The following PLPP4 variants were observed in gnomAD, a reference collection of about 807,000 sequenced individuals.
The protein encoded by PLPP4 is phospholipid phosphatase 4.
A neutral mutation model predicts 32.2 loss-of-function variants in PLPP4; 20 were observed. The observed-to-expected ratio is 0.62, with a 90% confidence interval of 0.44 to 0.90. The LOEUF (loss-of-function observed/expected upper bound fraction) is 0.90, where lower values mean the gene tolerates loss of function less well. PLPP4 is among the 40% of genes least tolerant of loss of function. The pLI is 0.00. For missense variants in PLPP4, 257 were observed against 353.1 expected (o/e 0.73, Z 2.18); for synonymous variants, 127 against 133.0 (o/e 0.95, Z 0.31).
At chr10:120,501,798 G>T (rs891114180) in intron 1 of PLPP4, among the ~76,000 whole-genome samples, 1 of 152,202 alleles carries the variant, frequency 6.6e-6, no homozygotes, top group Non-Finnish European at 1.5e-5. Context: ...TGTTCACTTG[G>T]AGTCTTAGGT....
chr10:120,505,095 C>T (rs550491135), intron 2 of PLPP4, among the ~76,000 whole-genome samples: 1 of 152,346 alleles, frequency 6.6e-6, no homozygotes, highest in South Asian at 2.1e-4. Flanking sequence ...AATTTAATTC[C>T]ACCCAGCATC....
At chr10:120,543,465 A>G (rs763665150) in intron 5 of PLPP4, among the ~76,000 whole-genome samples, 1 of 152,120 alleles carries the variant, frequency 6.6e-6, no homozygotes, top group Non-Finnish European at 1.5e-5. Flanking sequence ...AGCCTTTGGC[A>G]TCAAGTCCAG....
chr10:120,583,486 A>G (rs908755631), intron 6 of PLPP4, among the ~76,000 whole-genome samples: 7 of 152,074 alleles, frequency 4.6e-5, no homozygotes, highest in Non-Finnish European at 8.8e-5. Context: ...TCTCCCTTTT[A>G]AAGTACAGAA....
intron 1 of PLPP4, among the ~76,000 whole-genome samples, chr10:120,464,183 C>G (rs1271229502): frequency 6.6e-6 from 1 of 152,168 alleles, no homozygotes; most frequent in Non-Finnish European, 1.5e-5. Flanking sequence ...GTTCCTCCTT[C>G]TGTTCAATGG....
chr10:120,569,558 C>A (rs1282786675), intron 5 of PLPP4, among the ~76,000 whole-genome samples: 1 of 152,178 alleles, frequency 6.6e-6, no homozygotes, highest in Non-Finnish European at 1.5e-5. Context: ...GTTCCTTTTC[C>A]TTTTCCCCAT....
intron 2 of PLPP4, among the ~76,000 whole-genome samples, chr10:120,508,222 G>T (rs1845587121): frequency 6.6e-6 from 1 of 152,192 alleles, no homozygotes; most frequent in South Asian, 2.1e-4. Context: ...GCTGGATCAT[G>T]ATAGACAATT....
chr10:120,494,837 G>A (rs974221324), intron 1 of PLPP4, among the ~76,000 whole-genome samples: 11 of 152,120 alleles, frequency 7.2e-5, no homozygotes, highest in African/African-American at 1.9e-4. Flanking sequence ...ACTTTGCTCT[G>A]CAAAAATCTG....
intron 5 of PLPP4, among the ~76,000 whole-genome samples, chr10:120,557,931 T>G (rs1275820539): frequency 6.6e-6 from 1 of 152,140 alleles, no homozygotes; most frequent in Non-Finnish European, 1.5e-5. Flanking sequence ...ACCACAGTTG[T>G]TTAACAGGGA....
At chr10:120,566,558 TGTCAGACGGAGTCTCACCC>T (rs1848701198) in intron 5 of PLPP4, among the ~76,000 whole-genome samples, 2 of 150,054 alleles carry the variant, frequency 1.3e-5, no homozygotes, top group African/African-American at 4.9e-5. Context: ...TTTTTTTTTT[TGTCAGACGGAGTCTCACCC>T]TGTCACCCAG....
intron 1 of PLPP4, among the ~76,000 whole-genome samples, chr10:120,468,128 G>A (rs1251194918): frequency 1.5e-5 from 1 of 64,770 alleles, no homozygotes; most frequent in African/African-American, 3.3e-5. Flanking sequence ...TTCTTTATCC[G>A]GTCTACCACT....
chr10:120,508,063 A>AT (rs1845578415), intron 2 of PLPP4, among the ~76,000 whole-genome samples: 1 of 152,186 alleles, frequency 6.6e-6, no homozygotes, highest in African/African-American at 2.4e-5. Context: ...TTCGACCGTG[A>AT]TATGTCCAGA....
At chr10:120,580,678 C>CACACAA (rs1554899936) in intron 6 of PLPP4, among the ~76,000 whole-genome samples, 26,855 of 137,790 alleles carry the variant, frequency 0.19, 2,657 homozygotes, top group Middle Eastern at 0.27. Flanking sequence ...CACACACACA[C>CACACAA]ACGGCTGAGG....
intron 6 of PLPP4, among the ~76,000 whole-genome samples, chr10:120,588,340 TC>T (rs1226674285): frequency 6.6e-6 from 1 of 152,220 alleles, no homozygotes; most frequent in Non-Finnish European, 1.5e-5. Flanking sequence ...GGGCTGGTAT[TC>T]CCTGCAGATG....
At chr10:120,518,617 G>A (rs970750207) in intron 3 of PLPP4, among the ~76,000 whole-genome samples, 4 of 152,152 alleles carry the variant, frequency 2.6e-5, no homozygotes, top group African/African-American at 9.7e-5. Context: ...TGTCACAGGG[G>A]CCTAGAATTT....
In PLPP4 at chr10:120,463,114, G is replaced by A. The variant is rs373516124; in HGVS notation, c.56+5753G>A. On this transcript the variant is annotated intron_variant, in intron 1 of 6. Coordinates refer to ENST00000398250, the MANE Select transcript of PLPP4 (RefSeq NM_001030059.3). ...GCGATCTCGGCTCACTGCAAGCTCC[G>A]CCTCCTGGGTTCATGCCATTCTCCT... Among the ~76,000 whole-genome samples the A allele has an allele frequency of 2.3e-4, 32 of 138,960 alleles. No individual in the cohort carries two copies. The East Asian group carries it at 5.4e-3, about 23-fold the overall frequency. 91.2% of individuals were successfully genotyped at this position (138,960 alleles called of 152,430 possible).
At chr10:120,584,606 A>C (rs1849667803) in intron 6 of PLPP4, among the ~76,000 whole-genome samples, 1 of 152,196 alleles carries the variant, frequency 6.6e-6, no homozygotes. Context: ...GTTAATCCCA[A>C]GTGTTTTTCC....
At position 120,502,494 on chromosome 10, in the gene PLPP4, A is replaced by G. The variant is rs1395362003; in HGVS notation, c.57-1324A>G. 1.3e-5 allele frequency among the ~76,000 whole-genome samples: 2 copies of G among 152,088 alleles called. 1 individual carries two copies. Among genetic ancestry groups the G allele is most frequent in the African/African-American group, 4.8e-5 (2 of 41,402 alleles). On this transcript the variant is annotated intron_variant, in intron 1 of 6. Coordinates refer to ENST00000398250, the MANE Select transcript of PLPP4 (RefSeq NM_001030059.3). The stretch of plus-strand genomic sequence containing the variant: ...GTCACCTGTTCAAAGTCCCAAATAG[A>G]TGTTAACTTCTGTGGTCTCTGAGTG...
chr10:120,485,774 T>C (rs1844419671), intron 1 of PLPP4, among the ~76,000 whole-genome samples: 1 of 152,248 alleles, frequency 6.6e-6, no homozygotes, highest in African/African-American at 2.4e-5. Flanking sequence ...ATGTGAGCTG[T>C]TCACCTCCTG....
At chr10:120,490,542 G>C (rs1175380541) in intron 1 of PLPP4, among the ~76,000 whole-genome samples, 1 of 152,242 alleles carries the variant, frequency 6.6e-6, no homozygotes, top group African/African-American at 2.4e-5. Context: ...TTGCAGCCCT[G>C]TCCTGGATGC....
Sources: allele counts gnomAD v4.1 joint callset (sites outside exome capture counted in the v4.1 genomes callset), GRCh38; gene constraint gnomAD v4.1.1; transcripts MANE v1.5; gene names NCBI Gene and HGNC (gene_info 2026-07-23, HGNC 2026-07-21).